Variants in LRP1B observed in about 807,000 individuals in gnomAD.
LRP1B encodes low-density lipoprotein receptor-related protein 1B.
Under a neutral mutation model 556.6 loss-of-function variants are expected in LRP1B, and 217 were observed. The ratio of observed to expected loss-of-function variants is 0.39; its 90% confidence interval spans 0.35 to 0.44. The LOEUF is 0.44. LRP1B is among the 20% of genes least tolerant of loss of function. LRP1B has a pLI of 1.00. For missense variants in LRP1B, 5,053 were observed against 5,620.8 expected (o/e 0.90, Z 3.23); for synonymous variants, 2,047 against 1,865.8 (o/e 1.10, Z -2.50).
rs904950881 is a variant in LRP1B, at chr2:141,213,726, A to G, written c.850+15457T>C. On this transcript the variant is annotated intron_variant, in intron 6 of 90. Coordinates refer to ENST00000389484, the MANE Select transcript of LRP1B (RefSeq NM_018557.3). ...CACATGCTTCTGTATATTTTAAGTC[A>G]TCTCTAGATCAATTGTAATACCAAA... Among the ~76,000 whole-genome samples, 5 of 152,202 alleles carry G rather than the reference A, an allele frequency of 3.3e-5. No individual in the cohort carries two copies. In the East Asian group the frequency reaches 5.8e-4, roughly 18 times the overall value.
chr2:141,599,045 TCCCCCCCGCCCCCCCC>T (rs1687630566), intron 2 of LRP1B, among the ~76,000 whole-genome samples: 2 of 28,964 alleles, frequency 6.9e-5, no homozygotes, highest in African/African-American at 1.9e-4. Context: ...TTTGTTCAAC[TCCCCCCCGCCCCCCCC>T]CCCCCCCCCC....
intron 7 of LRP1B, among the ~76,000 whole-genome samples, chr2:141,134,727 A>G (rs1432054383): frequency 8.3e-6 from 1 of 119,950 alleles, no homozygotes; most frequent in Non-Finnish European, 1.7e-5. Flanking sequence ...ATAACTACCA[A>G]AAAAAAAAAA....
intron 2 of LRP1B, among the ~76,000 whole-genome samples, chr2:141,664,219 G>C (rs549575649): frequency 1.3e-5 from 2 of 152,234 alleles, no homozygotes; most frequent in Admixed American, 1.3e-4. Flanking sequence ...CAATAAACTA[G>C]GTATTGATGG....
At chr2:141,257,918 T>C (rs934297981) in intron 3 of LRP1B, among the ~76,000 whole-genome samples, 2 of 152,254 alleles carry the variant, frequency 1.3e-5, no homozygotes, top group Non-Finnish European at 1.5e-5. Flanking sequence ...ACTATAAATA[T>C]AGTTAAAAGC....
In LRP1B at chr2:141,601,382, T is replaced by C. The variant is rs911788853; in HGVS notation, c.206-120849A>G. On this transcript the variant is annotated intron_variant, in intron 2 of 90. Coordinates refer to ENST00000389484, the MANE Select transcript of LRP1B (RefSeq NM_018557.3). ...ACCATATCTTGTTGATGTGCAATTA[T>C]GGATTCAACATATGAATGCAGACAA... 5.9e-5 allele frequency among the ~76,000 whole-genome samples: 9 copies of C among 152,302 alleles called. No individual in the cohort carries two copies. The East Asian group carries it at 1.4e-3, about 23-fold the overall frequency.
intron 2 of LRP1B, among the ~76,000 whole-genome samples, chr2:141,517,281 C>T (rs116036055): frequency 1.3e-5 from 1 of 79,848 alleles, no homozygotes; most frequent in Non-Finnish European, 3.2e-5. Flanking sequence ...CAGACACACA[C>T]ACACACACCT....
At chr2:141,379,135 T>C (rs1366664627) in intron 3 of LRP1B, among the ~76,000 whole-genome samples, 1 of 152,100 alleles carries the variant, frequency 6.6e-6, no homozygotes, top group African/African-American at 2.4e-5. Context: ...CAATTCACCA[T>C]GTATAAAGGA....
chr2:140,989,672 GA>G lies in LRP1B; in HGVS notation c.2645-16del. ...GCTATGATTGACTGGGAGGGAGGGG[GA>G]AGCAAGATTAATTATTTAAAATTGG... On this transcript the variant is annotated splice_polypyrimidine_tract_variant and intron_variant, in intron 16 of 90. Transcript: ENST00000389484. 1 of 1,610,784 alleles carries G rather than the reference GA, an allele frequency of 6.2e-7. No individual in the cohort carries two copies. The highest frequency in any genetic ancestry group is 8.5e-7 in the Non-Finnish European group (1 of 1,178,118).
intron 72 of LRP1B, 139 bp downstream of exon 72, chr2:140,364,522 G>T: frequency 1.0e-6 from 1 of 955,108 alleles, no homozygotes; most frequent in Non-Finnish European, 1.5e-6. Flanking sequence ...CTGAACAAAA[G>T]CTGTATCTGT....
At chr2:140,546,497 C>T (rs987790949) in intron 43 of LRP1B, among the ~76,000 whole-genome samples, 3 of 152,080 alleles carry the variant, frequency 2.0e-5, no homozygotes, top group African/African-American at 4.8e-5. Flanking sequence ...GTAGCAAACA[C>T]GTTCTTCTTA....
chr2:141,219,884 GCAA>G (rs776945543), intron 6 of LRP1B, among the ~76,000 whole-genome samples: 111 of 152,048 alleles, frequency 7.3e-4, no homozygotes, highest in Non-Finnish European at 6.9e-4. Context: ...CAAACAGAAA[GCAA>G]CAACAACATC....
chr2:141,821,742 T>C (rs1380641001), intron 1 of LRP1B, among the ~76,000 whole-genome samples: 7 of 152,188 alleles, frequency 4.6e-5, no homozygotes, highest in African/African-American at 1.7e-4. Flanking sequence ...TGTGTAATCA[T>C]TCTATGCCTT....
At position 140,315,833 on chromosome 2, in the gene LRP1B, G is replaced by A. The variant is rs1334920425; in HGVS notation, c.12641-734C>T. On this transcript the variant is annotated intron_variant, in intron 82 of 90. Transcript: ENST00000389484. ...GTATAGAGAAATGTTTACATGAAGA[G>A]AGACTCTTTGATGTTGGTCCTTATT... Among the ~76,000 whole-genome samples, 5 of 152,184 alleles carry A rather than the reference G, an allele frequency of 3.3e-5. No homozygotes were observed. The East Asian group carries it at 9.6e-4, about 29-fold the overall frequency.
chr2:142,124,331 T>C (rs917195106), intron 1 of LRP1B, among the ~76,000 whole-genome samples: 1 of 151,982 alleles, frequency 6.6e-6, no homozygotes, highest in South Asian at 2.1e-4. Context: ...CATTTATTTA[T>C]TCATGCCATT....
intron 17 of LRP1B, among the ~76,000 whole-genome samples, chr2:140,985,946 C>T (rs1485217880): frequency 1.3e-5 from 2 of 151,514 alleles, no homozygotes; most frequent in Admixed American, 6.6e-5. Flanking sequence ...ATCACATTTC[C>T]CTCCCTCTCT....
rs1686234978 is a variant in LRP1B at position 141,297,728 on chromosome 2, T to C, written c.344-43087A>G. On this transcript the variant is annotated intron_variant, in intron 3 of 90. Coordinates refer to ENST00000389484, the MANE Select transcript of LRP1B (RefSeq NM_018557.3). ...TTTGTACATTGCAAAACAATGTTTC[T>C]GTCAATGAAGGACCCCATATACAAC... Among the ~76,000 whole-genome samples the C allele has an allele frequency of 2.0e-5, 3 of 152,310 alleles. No homozygotes were observed. In the South Asian group the frequency reaches 6.2e-4, roughly 32 times the overall value.
intron 1 of LRP1B, among the ~76,000 whole-genome samples, chr2:141,878,611 G>A (rs1698847974): frequency 1.3e-5 from 2 of 152,038 alleles, no homozygotes; most frequent in African/African-American, 4.8e-5. Context: ...CCCTTTTGAG[G>A]TGTTGATAAA....
intron 2 of LRP1B, among the ~76,000 whole-genome samples, chr2:141,581,759 T>C (rs1205143877): frequency 1.3e-5 from 2 of 152,176 alleles, no homozygotes; most frequent in East Asian, 1.9e-4. Flanking sequence ...TCAGCAGTTT[T>C]TCCCTTTCCT....
At chr2:140,411,659 C>G (rs1051390199) in intron 66 of LRP1B, among the ~76,000 whole-genome samples, 2 of 152,074 alleles carry the variant, frequency 1.3e-5, no homozygotes, top group African/African-American at 4.8e-5. Flanking sequence ...AAATGATATT[C>G]ACTGGATCCA....
Sources: gnomAD v4.1 joint callset for allele counts (sites outside exome capture counted in the v4.1 genomes callset) on GRCh38, gnomAD v4.1.1 for gene constraint, MANE v1.5 for transcripts, NCBI Gene and HGNC (gene_info 2026-07-23, HGNC 2026-07-21) for gene names.